The following RHD variants were observed in gnomAD, a reference collection of about 807,000 sequenced individuals.
The protein encoded by RHD is Rh blood group D antigen, also known as blood group Rh(D) polypeptide.
In RHD, 16 loss-of-function variants were observed where a neutral mutation model predicts 45.5. That is an observed-to-expected ratio of 0.35 (90% CI 0.24 to 0.53). The LOEUF (loss-of-function observed/expected upper bound fraction) is 0.53. Among genes scored for constraint, RHD ranks in the 20% least tolerant of loss-of-function variants. The pLI is 0.92. For synonymous variants in RHD, 131 were observed against 217.5 expected, an observed-to-expected ratio of 0.60 and a Z score of 3.50; for missense variants, 306 against 532.0, an observed-to-expected ratio of 0.58 and a Z score of 4.18.
At position 25,299,074 on chromosome 1, in the gene RHD, A is replaced by T. The variant is rs1391670107; in HGVS notation, c.487-1872A>T. Among the ~76,000 whole-genome samples the T allele has an allele frequency of 5.3e-4, 60 of 112,198 alleles. 2 individuals carry two copies. The highest frequency in any genetic ancestry group is 1.9e-3 in the African/African-American group (58 of 30,716). The allele number at this position is 112,198 out of a possible 152,430, so 73.6% of individuals were successfully genotyped here. ...TTAGAATTGTCAGCACATGGTGATA[A>T]AAAAAAAAAAAAAAAAAAAAAAACA... On this transcript the variant is annotated intron_variant, in intron 3 of 9. Coordinates refer to ENST00000328664, the MANE Select transcript of RHD (RefSeq NM_016124.6).
At position 25,304,185 on chromosome 1, in the gene RHD, T is replaced by G. The variant is rs1381502967; in HGVS notation, c.939+726T>G. The stretch of plus-strand genomic sequence containing the variant: ...TTATAGCCAATTGGTTATAATGTGC[T>G]TCTCTAAGAGAAATATTTAGGGACA... On this transcript the variant is annotated intron_variant, in intron 6 of 9. Transcript: ENST00000328664. Among the ~76,000 whole-genome samples the G allele has an allele frequency of 4.5e-4, 40 of 88,068 alleles. 5 individuals are homozygous for G. The highest frequency in any genetic ancestry group is 2.4e-3 in the East Asian group (11 of 4,636). The allele number at this position is 88,068 out of a possible 152,430, so 57.8% of individuals were successfully genotyped here. A position where few individuals can be genotyped will look rare whatever the true frequency, so the allele number is the denominator to read the frequency against.
rs1377466455 is a variant in RHD at position 25,280,276 on chromosome 1, C to G, written c.149-4297C>G. Among the ~76,000 whole-genome samples, 8 of 126,658 alleles carry G rather than the reference C, an allele frequency of 6.3e-5. 2 individuals are homozygous for G. The highest frequency in any genetic ancestry group is 6.1e-4 in the Admixed American group (8 of 13,082). The allele number at this position is 126,658 out of a possible 152,430, so 83.1% of individuals were successfully genotyped here. Reference sequence around the variant, plus strand: ...GGGGCAGCAGCTGTGCCCAATAAAGCCCCCACCCAGGATCCTCTGACTTCC... The same window carrying G: ...GGGGCAGCAGCTGTGCCCAATAAAGGCCCCACCCAGGATCCTCTGACTTCC... On this transcript the variant is annotated intron_variant, in intron 1 of 9. Coordinates refer to ENST00000328664, the MANE Select transcript of RHD (RefSeq NM_016124.6).
intron 1 of RHD, among the ~76,000 whole-genome samples, chr1:25,281,280 T>G (rs190685773): frequency 0.017 from 2,242 of 128,382 alleles, 176 homozygotes; most frequent in African/African-American, 0.059. Flanking sequence ...TTTCATAAAC[T>G]TTTCCTGAAG....
rs557612825 is a variant in RHD, at chr1:25,311,239, T to G, written c.1073+4510T>G. On this transcript the variant is annotated intron_variant, in intron 7 of 9. Transcript: ENST00000328664. ...GAAGCAAAGATCTTAGCTGAACTTT[T>G]TCTGTGCCAGAGTCATTTATGGAAG... Among the ~76,000 whole-genome samples, 80 of 132,692 alleles carry G rather than the reference T, an allele frequency of 6.0e-4. 22 individuals are homozygous for G. Among genetic ancestry groups the G allele is most frequent in the Non-Finnish European group, 1.1e-3 (62 of 55,966 alleles). 87.1% of individuals were successfully genotyped at this position (132,692 alleles called of 152,430 possible).
chr1:25,275,169 A>G (rs2124587277), intron 1 of RHD, among the ~76,000 whole-genome samples: 1 of 132,188 alleles, frequency 7.6e-6, no homozygotes, highest in East Asian at 2.0e-4. Flanking sequence ...ACGTGCCTGT[A>G]GTCCCAGCTG....
chr1:25,292,683 C>T (rs1642617934), intron 3 of RHD, among the ~76,000 whole-genome samples: 1 of 127,664 alleles, frequency 7.8e-6, no homozygotes, highest in Non-Finnish European at 1.9e-5. Context: ...ATGAAACATC[C>T]CAGTGGAGAC....
At chr1:25,310,967 C>G (rs1440307238) in intron 7 of RHD, among the ~76,000 whole-genome samples, 1 of 123,162 alleles carries the variant, frequency 8.1e-6, no homozygotes, top group African/African-American at 2.7e-5. Context: ...GAGCAAAACT[C>G]CATCTCAAAA....
Position 25,275,275 on chromosome 1 carries a change from G to A in RHD, c.148+2580G>A, listed in dbSNP as rs1300840130. On this transcript the variant is annotated intron_variant, in intron 1 of 9. Transcript: ENST00000328664. ...TGCACTCCACCCTGGGTGACAGAGT[G>A]GGACTCTGTCTGAAAAAAATAATAG... Among the ~76,000 whole-genome samples the A allele has an allele frequency of 6.8e-5, 9 of 132,204 alleles. No homozygotes were observed. In the East Asian group the frequency reaches 1.7e-3, roughly 26 times the overall value. 86.7% of individuals were successfully genotyped at this position (132,204 alleles called of 152,430 possible). A position where few individuals can be genotyped will look rare whatever the true frequency, so the allele number is the denominator to read the frequency against.
chr1:25,298,469 G>T (rs373281546), intron 3 of RHD, among the ~76,000 whole-genome samples: 4 of 126,954 alleles, frequency 3.2e-5, no homozygotes, highest in African/African-American at 1.1e-4. Flanking sequence ...GGAGGGCCCG[G>T]GGGAACCAGA....
At chr1:25,310,093 G>A (rs2478026) in intron 7 of RHD, among the ~76,000 whole-genome samples, 1 of 132,128 alleles carries the variant, frequency 7.6e-6, no homozygotes. Context: ...CCAACACCCA[G>A]AACCTCTTCT....
At chr1:25,309,143 A>T (rs1360551131) in intron 7 of RHD, among the ~76,000 whole-genome samples, 1 of 131,584 alleles carries the variant, frequency 7.6e-6, no homozygotes, top group Non-Finnish European at 1.8e-5. Flanking sequence ...CACAAACAAT[A>T]TTTCCCAATT....
chr1:25,276,229 A>G (rs1396226722), intron 1 of RHD, among the ~76,000 whole-genome samples: 1 of 130,322 alleles, frequency 7.7e-6, no homozygotes, highest in African/African-American at 2.6e-5. Context: ...TCTGTTAGAG[A>G]GGCACATTGA....
In RHD at chr1:25,307,030, C is replaced by G. The variant is rs1437518189; in HGVS notation, c.1073+301C>G. On this transcript the variant is annotated intron_variant, in intron 7 of 9. Transcript: ENST00000328664. ...TCAAATAGGCCCAAGCCAATTGAGA[C>G]TGTGGTTCAGGTCGTGATGCAGAGC... 3.9e-5 allele frequency: 14 copies of G among 362,952 alleles called. 2 individuals carry two copies. The East Asian group carries it at 6.9e-4, about 18-fold the overall frequency. 22.5% of individuals were successfully genotyped at this position (362,952 alleles called of 1,614,324 possible). A position where few individuals can be genotyped will look rare whatever the true frequency, so the allele number is the denominator to read the frequency against.
Position 25,292,168 on chromosome 1 carries a change from G to A in RHD, c.486+1377G>A, listed in dbSNP as rs760489256. ...GAATTAATCACATGAGATGATGCATGTTTACAAAAAAAAGCATGAAGCCCC... is the reference window on the plus strand; with the variant it reads ...GAATTAATCACATGAGATGATGCATATTTACAAAAAAAAGCATGAAGCCCC... On this transcript the variant is annotated intron_variant, in intron 3 of 9. Transcript: ENST00000328664. 2.3e-4 allele frequency among the ~76,000 whole-genome samples: 30 copies of A among 132,430 alleles called. 6 individuals carry two copies. The highest frequency in any genetic ancestry group is 5.4e-5 in the Non-Finnish European group (3 of 55,850). The allele number at this position is 132,430 out of a possible 152,430, so 86.9% of individuals were successfully genotyped here.
chr1:25,315,204 TC>T lies in RHD; in HGVS notation c.1074-1794del, dbSNP rs950111621. ...CATGCATATGTCCCCCTGATTTTTT[TC>T]CTAAAAATCACTTATTATTAGATCA... is the stretch of plus-strand genomic sequence containing the variant. On this transcript the variant is annotated intron_variant, in intron 7 of 9. Coordinates refer to ENST00000328664, the MANE Select transcript of RHD (RefSeq NM_016124.6). Among the ~76,000 whole-genome samples, 6 of 130,154 alleles carry T rather than the reference TC, an allele frequency of 4.6e-5. 2 individuals are homozygous for T. Among genetic ancestry groups the T allele is most frequent in the Non-Finnish European group, 1.1e-4 (6 of 55,366 alleles). The allele number at this position is 130,154 out of a possible 152,430, so 85.4% of individuals were successfully genotyped here.
At chr1:25,303,777 C>A (rs1391410429) in intron 6 of RHD, among the ~76,000 whole-genome samples, 2 of 131,248 alleles carry the variant, frequency 1.5e-5, no homozygotes, top group Admixed American at 1.5e-4. Flanking sequence ...TTACTTCTTT[C>A]TTTGCTTTTC....
At chr1:25,316,789 A>AGAC (rs1263987065) in intron 7 of RHD, among the ~76,000 whole-genome samples, 2 of 79,298 alleles carry the variant, frequency 2.5e-5, no homozygotes, top group African/African-American at 7.1e-5. Context: ...AATAAGCCAC[A>AGAC]ATCTTGGAAT....
At position 25,282,770 on chromosome 1, in the gene RHD, T is replaced by G. The variant is rs1190975761; in HGVS notation, c.149-1803T>G. ...AGCCAGGCGTGGTGGCGCGCGCCTGTGGTTCCCACTGAAGCACAGGAGGCT... is the reference window on the plus strand; with the variant it reads ...AGCCAGGCGTGGTGGCGCGCGCCTGGGGTTCCCACTGAAGCACAGGAGGCT... On this transcript the variant is annotated intron_variant, in intron 1 of 9. Transcript: ENST00000328664. Among the ~76,000 whole-genome samples the G allele has an allele frequency of 1.5e-5, 2 of 129,834 alleles. 1 individual carries two copies. Among genetic ancestry groups the G allele is most frequent in the Non-Finnish European group, 3.6e-5 (2 of 54,830 alleles). 85.2% of individuals were successfully genotyped at this position (129,834 alleles called of 152,430 possible).
chr1:25,276,532 TAAAAAAA>T lies in RHD; in HGVS notation c.148+3854_148+3860del, dbSNP rs557746335. On this transcript the variant is annotated intron_variant, in intron 1 of 9. Coordinates refer to ENST00000328664, the MANE Select transcript of RHD (RefSeq NM_016124.6). ...ACATAGGGAGACCCCCCCCCATCTC[TAAAAAAA>T]AAAAAAAAAAAAAAAACTTTAAAAT... 7.7e-5 allele frequency among the ~76,000 whole-genome samples: 5 copies of T among 64,786 alleles called. 1 individual carries two copies. The highest frequency in any genetic ancestry group is 2.2e-4 in the African/African-American group (3 of 13,854). The allele number at this position is 64,786 out of a possible 152,430, so 42.5% of individuals were successfully genotyped here. A position where few individuals can be genotyped will look rare whatever the true frequency, so the allele number is the denominator to read the frequency against.
Sources: gnomAD v4.1 joint callset for allele counts (sites outside exome capture counted in the v4.1 genomes callset) on GRCh38, gnomAD v4.1.1 for gene constraint, MANE v1.5 for transcripts, NCBI Gene and HGNC (gene_info 2026-07-23, HGNC 2026-07-21) for gene names.